Variants in PHLPP2 observed in about 807,000 individuals in gnomAD.
The protein encoded by PHLPP2 is PH domain and leucine rich repeat protein phosphatase 2.
PHLPP2 carries 66 observed loss-of-function variants against 124.9 expected under a neutral mutation model. The observed-to-expected ratio is 0.53, with a 90% CI of 0.43 to 0.65. The LOEUF is 0.65. Ranked by LOEUF, PHLPP2 falls within the 30% of genes least tolerant of loss-of-function variation. The probability of loss-of-function intolerance (pLI) is 0.00; values close to 1 mark genes in which losing one functional copy is unlikely to be tolerated. For missense variants in PHLPP2, 1,685 were observed against 1,600.4 expected, an observed-to-expected ratio of 1.05 and a Z score of -0.90; for synonymous variants, 681 against 624.7, an observed-to-expected ratio of 1.09 and a Z score of -1.34.
At chr16:71,701,983 C>T (rs879591298) in intron 3 of PHLPP2, among the ~76,000 whole-genome samples, 3 of 152,104 alleles carry the variant, frequency 2.0e-5, no homozygotes, top group Non-Finnish European at 2.9e-5. Flanking sequence ...GATCTTGGAA[C>T]GCAATCCCAG....
intron 4 of PHLPP2, among the ~76,000 whole-genome samples, chr16:71,685,041 T>C (rs896526082): frequency 2.0e-5 from 3 of 151,974 alleles, no homozygotes; most frequent in African/African-American, 7.2e-5. Flanking sequence ...CTTAAAGAAA[T>C]TCTCGGCCAG....
intron 2 of PHLPP2, among the ~76,000 whole-genome samples, chr16:71,710,097 C>G (rs2045313791): frequency 6.6e-6 from 1 of 152,174 alleles, no homozygotes; most frequent in Admixed American, 6.5e-5. Context: ...AATCCTTCTG[C>G]CTTGGCCTCC....
intron 2 of PHLPP2, among the ~76,000 whole-genome samples, chr16:71,713,309 T>G (rs2045335547): frequency 6.6e-6 from 1 of 152,210 alleles, no homozygotes; most frequent in African/African-American, 2.4e-5. Context: ...TGCCTCTATT[T>G]ATACATAAAA....
chr16:71,646,038 A>T lies in PHLPP2; in HGVS notation c.*2852T>A, dbSNP rs2044650825. The T allele has an allele frequency of 6.6e-6, 1 of 152,646 alleles. No individual in the cohort carries two copies. Among genetic ancestry groups the T allele is most frequent in the Non-Finnish European group, 1.5e-5 (1 of 68,038 alleles). The allele number at this position is 152,646 out of a possible 1,614,324, so 9.5% of individuals were successfully genotyped here. A position where few individuals can be genotyped will look rare whatever the true frequency, so the allele number is the denominator to read the frequency against. On this transcript the variant is annotated 3_prime_UTR_variant, in exon 19 of 19. Coordinates refer to ENST00000568954, the MANE Select transcript of PHLPP2 (RefSeq NM_015020.3). ...GAGGTACACACAGAGACCTGAGAAT[A>T]TGCAGAGGCCAGAATCTCTGTCTGT...
chr16:71,718,801 A>C (rs557965196), intron 1 of PHLPP2, among the ~76,000 whole-genome samples: 195 of 152,354 alleles, frequency 1.3e-3, no homozygotes, highest in African/African-American at 4.6e-3. Context: ...TCTACATGAT[A>C]CATTCCGCCC....
intron 10 of PHLPP2, among the ~76,000 whole-genome samples, chr16:71,671,157 A>C (rs1015825592): frequency 2.6e-5 from 4 of 152,216 alleles, no homozygotes; most frequent in African/African-American, 9.6e-5. Flanking sequence ...GTACTGATCC[A>C]TGCTGGGGTT....
At chr16:71,709,818 T>C (rs1278610846) in intron 2 of PHLPP2, among the ~76,000 whole-genome samples, 1 of 152,128 alleles carries the variant, frequency 6.6e-6, no homozygotes, top group Non-Finnish European at 1.5e-5. Context: ...CTGTACAAGG[T>C]TGTCCCACAC....
At position 71,663,841 on chromosome 16, in the gene PHLPP2, G is replaced by A. The variant is rs1183808177; in HGVS notation, c.1985+58C>T. On this transcript the variant is annotated intron_variant, in intron 13 of 18. Coordinates refer to ENST00000568954, the MANE Select transcript of PHLPP2 (RefSeq NM_015020.3). ...ATAGTCAGATGGCTATATTTTTTCT[G>A]ACAAATATAGAATTAATGTTGTGTA... The A allele has an allele frequency of 4.5e-6, 6 of 1,322,506 alleles. No homozygotes were observed. In the African/African-American group the frequency reaches 7.2e-5, roughly 16 times the overall value. The allele number at this position is 1,322,506 out of a possible 1,614,324, so 81.9% of individuals were successfully genotyped here. A position where few individuals can be genotyped will look rare whatever the true frequency, so the allele number is the denominator to read the frequency against.
At chr16:71,671,450 T>C (rs1188598721) in intron 10 of PHLPP2, among the ~76,000 whole-genome samples, 1 of 151,986 alleles carries the variant, frequency 6.6e-6, no homozygotes, top group Non-Finnish European at 1.5e-5. Context: ...ACTGCTTGTT[T>C]GATTGTTCAT....
At chr16:71,700,957 T>C (rs908485570) in intron 3 of PHLPP2, among the ~76,000 whole-genome samples, 5 of 152,168 alleles carry the variant, frequency 3.3e-5, no homozygotes, top group African/African-American at 1.2e-4. Flanking sequence ...CTGGGGAAAC[T>C]AGCCACTATG....
intron 6 of PHLPP2, among the ~76,000 whole-genome samples, 158 bp downstream of exon 6, chr16:71,681,593 G>C (rs963603600): frequency 6.6e-6 from 1 of 152,130 alleles, no homozygotes; most frequent in Non-Finnish European, 1.5e-5. Flanking sequence ...GGGGGGAAAG[G>C]GCAGGTAGGA....
intron 4 of PHLPP2, 79 bp from the exon 5 acceptor site, chr16:71,684,680 G>T: frequency 7.5e-7 from 1 of 1,326,974 alleles, no homozygotes; most frequent in South Asian, 1.3e-5. Context: ...ATCACAAGAC[G>T]AACAACTGAA....
chr16:71,706,420 G>C (rs2045274608), intron 2 of PHLPP2, among the ~76,000 whole-genome samples: 1 of 152,122 alleles, frequency 6.6e-6, no homozygotes, highest in Non-Finnish European at 1.5e-5. Flanking sequence ...AAGAGTTTTA[G>C]TTAATAGTGG....
intron 13 of PHLPP2, 51 bp from the exon 14 acceptor site, chr16:71,658,866 C>T (rs766738087): frequency 4.5e-5 from 69 of 1,539,334 alleles, no homozygotes; most frequent in African/African-American, 6.8e-5. Flanking sequence ...GAGCAGCTGC[C>T]AAGGAAGTGC....
chr16:71,723,457 G>C (rs1468090874), intron 1 of PHLPP2: 1 of 153,938 alleles, frequency 6.5e-6, no homozygotes, highest in Non-Finnish European at 1.4e-5. Context: ...CAGGGGCGGC[G>C]AAGGGTCCGG....
In PHLPP2 at chr16:71,649,944, A is replaced by C. The variant is rs140175974; in HGVS notation, c.2918T>G (p.Leu973Arg). 14 of 1,614,180 alleles carry C rather than the reference A, an allele frequency of 8.7e-6. No homozygotes were observed. Among genetic ancestry groups the C allele is most frequent in the Non-Finnish European group, 1.1e-5 (13 of 1,180,030 alleles). The change falls in exon 19 of 19, where the codon CTG becomes CGG. Residue 973 changes from leucine to arginine, a missense_variant. Coordinates refer to ENST00000568954, the MANE Select transcript of PHLPP2 (RefSeq NM_015020.3). ...AATCAGCAACTCATCTTGAATGGTC[A>C]GCGGAGTGGAAGATATGTGGGGCTT... Reference protein sequence around the residue: ...LPKPHISSTPLTIQDELLILG... With the variant: ...LPKPHISSTPRTIQDELLILG...
rs2044661491 is a variant in PHLPP2 at position 71,647,468 on chromosome 16, A to G, written c.*1422T>C. 1 of 152,576 alleles carries G rather than the reference A, an allele frequency of 6.6e-6. No individual in the cohort carries two copies. Among genetic ancestry groups the G allele is most frequent in the African/African-American group, 2.4e-5 (1 of 41,458 alleles). 9.5% of individuals were successfully genotyped at this position (152,576 alleles called of 1,614,324 possible). On this transcript the variant is annotated 3_prime_UTR_variant, in exon 19 of 19. Transcript: ENST00000568954. Reference sequence around the variant, plus strand: ...GAGGCGAGCTCTCAACTCACCTCCAACATTCTAGAGAACCATCCCTCTCCT... The same window carrying G: ...GAGGCGAGCTCTCAACTCACCTCCAGCATTCTAGAGAACCATCCCTCTCCT...
intron 3 of PHLPP2, among the ~76,000 whole-genome samples, chr16:71,699,697 G>A (rs533731052): frequency 2.2e-4 from 34 of 152,294 alleles, no homozygotes; most frequent in East Asian, 9.6e-4. Flanking sequence ...GAAAGCAGCC[G>A]CCCTACGCAA....
chr16:71,700,515 A>ATT (rs1555548011), intron 3 of PHLPP2, among the ~76,000 whole-genome samples: 2 of 122,450 alleles, frequency 1.6e-5, no homozygotes, highest in African/African-American at 5.9e-5. Context: ...TTAGTGACTC[A>ATT]TTTCTTTTTT....
Sources: gnomAD v4.1 joint callset for allele counts (sites outside exome capture counted in the v4.1 genomes callset) on GRCh38, gnomAD v4.1.1 for gene constraint, MANE v1.5 for transcripts, NCBI Gene and HGNC (gene_info 2026-07-23, HGNC 2026-07-21) for gene names.